The following PRKAR1A variants were observed in gnomAD, a reference collection of about 807,000 sequenced individuals.
PRKAR1A encodes protein kinase cAMP-dependent type I regulatory subunit alpha.
In PRKAR1A, 3 loss-of-function variants were observed where a neutral mutation model predicts 52.0. The observed-to-expected ratio is 0.06, with a 90% CI of 0.03 to 0.15. PRKAR1A has a LOEUF of 0.15. Among genes scored for constraint, PRKAR1A ranks in the 10% least tolerant of loss-of-function variants. PRKAR1A has a pLI of 1.00. For synonymous variants in PRKAR1A, 188 were observed against 168.4 expected, an observed-to-expected ratio of 1.12 and a Z score of -0.90; for missense variants, 240 against 477.4, an observed-to-expected ratio of 0.50 and a Z score of 4.63.
the PRKAR1A span, chr17:68,457,506 C>T: frequency 3.3e-6 from 4 of 1,194,174 alleles, no homozygotes; most frequent in African/African-American, 1.7e-5. Context: ...CGGGCCGGGT[C>T]GCCGGTCCTG....
At chr17:68,455,522 C>G in the PRKAR1A span, among the ~76,000 whole-genome samples, 1 of 152,174 alleles carries the variant, frequency 6.6e-6, no homozygotes, top group Admixed American at 6.5e-5. Context: ...CATGGCAATA[C>G]ACCTAAATGT....
At chr17:68,436,285 C>T in the PRKAR1A span, 1 of 1,115,330 alleles carries the variant, frequency 9.0e-7, no homozygotes, top group South Asian at 1.3e-5. Flanking sequence ...CTCCCACCGC[C>T]TCCAGCCCCC....
chr17:68,529,535 C>G (rs1185097520), intron 9 of PRKAR1A, among the ~76,000 whole-genome samples: 1 of 152,196 alleles, frequency 6.6e-6, no homozygotes, highest in Non-Finnish European at 1.5e-5. Context: ...GTAAGTTAAG[C>G]TTTGTGGACC....
At chr17:68,541,863 A>G in intron 11 of PRKAR1A, 1 of 1,182,828 alleles carries the variant, frequency 8.5e-7, no homozygotes, top group Non-Finnish European at 1.2e-6. Context: ...TCAATATGAA[A>G]TGGGGCAAAG....
the PRKAR1A span, among the ~76,000 whole-genome samples, chr17:68,464,776 C>A: frequency 9.9e-5 from 15 of 151,930 alleles, no homozygotes; most frequent in African/African-American, 2.9e-4. Flanking sequence ...TATCAGAGCC[C>A]AGCGTTTCAT....
chr17:68,486,636 TA>T, the PRKAR1A span, among the ~76,000 whole-genome samples: 4 of 148,430 alleles, frequency 2.7e-5, no homozygotes, highest in African/African-American at 5.0e-5. Flanking sequence ...CTCCTTCTCC[TA>T]ATTAGCTTTC....
chr17:68,533,404 A>C lies in PRKAR1A; in HGVS notation c.*2955A>C. Reference sequence around the variant, plus strand: ...GTCCTCTGGAGTATGAAACCTTTAGAGTCACAATAAAATGTAACTAAAGAA... The same window carrying C: ...GTCCTCTGGAGTATGAAACCTTTAGCGTCACAATAAAATGTAACTAAAGAA... On this transcript the variant is annotated 3_prime_UTR_variant, in exon 11 of 11. Coordinates refer to ENST00000589228, the MANE Select transcript of PRKAR1A (RefSeq NM_002734.5). 9.4e-7 allele frequency: 1 copy of C among 1,059,592 alleles called. No homozygotes were observed. The highest frequency in any genetic ancestry group is 1.1e-6 in the Non-Finnish European group (1 of 875,614). 65.6% of individuals were successfully genotyped at this position (1,059,592 alleles called of 1,614,324 possible).
chr17:68,457,713 A>T, the PRKAR1A span, among the ~76,000 whole-genome samples: 6 of 151,938 alleles, frequency 3.9e-5, no homozygotes, highest in African/African-American at 9.7e-5. Flanking sequence ...AGCCCAAGCC[A>T]CGGCTGGCGG....
the PRKAR1A span, chr17:68,450,756 T>C: frequency 5.8e-5 from 94 of 1,613,210 alleles, no homozygotes; most frequent in Non-Finnish European, 7.4e-5. Flanking sequence ...GGACAAGATG[T>C]TGCTGGAGTA....
upstream of PRKAR1A, among the ~76,000 whole-genome samples, chr17:68,511,517 C>A (rs932054502): frequency 3.3e-5 from 5 of 152,246 alleles, no homozygotes; most frequent in Non-Finnish European, 7.3e-5. Flanking sequence ...GCACGCTCTG[C>A]ACTTCTCCCT....
At chr17:68,443,200 T>C in the PRKAR1A span, among the ~76,000 whole-genome samples, 2 of 152,178 alleles carry the variant, frequency 1.3e-5, no homozygotes, top group Non-Finnish European at 2.9e-5. Flanking sequence ...AGCCTCCGCC[T>C]CCTGGGTTCA....
chr17:68,488,116 A>C, the PRKAR1A span, among the ~76,000 whole-genome samples: 1 of 152,032 alleles, frequency 6.6e-6, no homozygotes, highest in Non-Finnish European at 1.5e-5. Context: ...GCTTTTGAGC[A>C]CAGACCCAAG....
the PRKAR1A span, chr17:68,429,072 TG>T: frequency 1.5e-6 from 1 of 650,014 alleles, no homozygotes; most frequent in East Asian, 2.8e-5. Flanking sequence ...TGATCTGGTC[TG>T]GGCTTCTGGC....
the PRKAR1A span, among the ~76,000 whole-genome samples, chr17:68,491,575 A>AGGAGGAAGTG: frequency 3.9e-5 from 6 of 152,182 alleles, no homozygotes; most frequent in South Asian, 2.1e-4. Context: ...TGGAGGCTCC[A>AGGAGGAAGTG]GGAGGAAGTG....
the PRKAR1A span, among the ~76,000 whole-genome samples, chr17:68,458,603 G>A: frequency 6.6e-6 from 1 of 152,150 alleles, no homozygotes; most frequent in African/African-American, 2.4e-5. Flanking sequence ...AAGGGGTAAC[G>A]TCTTGAAGAT....
intron 7 of PRKAR1A, among the ~76,000 whole-genome samples, chr17:68,526,993 T>C (rs2085812957): frequency 6.6e-6 from 1 of 152,204 alleles, no homozygotes; most frequent in Non-Finnish European, 1.5e-5. Flanking sequence ...GATGTGACAG[T>C]CTACTGGAGA....
downstream of PRKAR1A, chr17:68,535,749 C>T (rs767565261): frequency 6.6e-6 from 3 of 451,934 alleles, no homozygotes; most frequent in South Asian, 1.6e-5. Context: ...TGAGACCAAG[C>T]GATCTGCCTG....
At chr17:68,418,020 A>G in the PRKAR1A span, among the ~76,000 whole-genome samples, 2,564 of 151,872 alleles carry the variant, frequency 0.017, 81 homozygotes, top group African/African-American at 0.059. Context: ...GTGAGCCACC[A>G]CACCCGGCTG....
chr17:68,519,515 C>T (rs1311643057), intron 2 of PRKAR1A, among the ~76,000 whole-genome samples: 1 of 152,194 alleles, frequency 6.6e-6, no homozygotes, highest in Non-Finnish European at 1.5e-5. Flanking sequence ...AGGTCCCTCC[C>T]ACAATATGTG....
Sources: allele counts gnomAD v4.1 joint callset (sites outside exome capture counted in the v4.1 genomes callset), GRCh38; gene constraint gnomAD v4.1.1; transcripts MANE v1.5; gene names NCBI Gene and HGNC (gene_info 2026-07-23, HGNC 2026-07-21).